Variants in HHLA2 observed in about 807,000 individuals in gnomAD.
The protein encoded by HHLA2 is HERV-H LTR-associating protein 2.
Under a neutral mutation model 45.9 loss-of-function variants are expected in HHLA2, and 48 were observed. The ratio of observed to expected loss-of-function variants is 1.05; its 90% confidence interval spans 0.83 to 1.33. The LOEUF (loss-of-function observed/expected upper bound fraction) is 1.33. HHLA2 is among the 40% of genes most tolerant of loss of function. The pLI is 0.00. For synonymous variants in HHLA2, 161 were observed against 173.9 expected, an observed-to-expected ratio of 0.93 and a Z score of 0.59; for missense variants, 462 against 494.3, an observed-to-expected ratio of 0.93 and a Z score of 0.62.
At chr3:108,355,344 G>C (rs879227772) in exon 6 of HHLA2, 1 of 1,613,748 alleles carries the variant, frequency 6.2e-7, no homozygotes, top group Admixed American at 1.7e-5. Context: ...AAAATTCACT[G>C]CTGAAGCAAA....
chr3:108,341,616 A>T (rs1206331582), intron 3 of HHLA2, among the ~76,000 whole-genome samples: 1 of 152,224 alleles, frequency 6.6e-6, no homozygotes, highest in East Asian at 1.9e-4. Context: ...AACAAAAAAA[A>T]ACAGAGCCCA....
intron 3 of HHLA2, among the ~76,000 whole-genome samples, chr3:108,331,431 T>G (rs992498603): frequency 3.3e-5 from 5 of 152,208 alleles, no homozygotes; most frequent in African/African-American, 1.2e-4. Context: ...ATAATTTTAT[T>G]GCAGAACCAT....
At chr3:108,321,752 C>T (rs755093096) in intron 2 of HHLA2, among the ~76,000 whole-genome samples, 8 of 151,908 alleles carry the variant, frequency 5.3e-5, no homozygotes, top group Non-Finnish European at 8.8e-5. Flanking sequence ...CCTGTTTTCT[C>T]TTTTTCTCTA....
At chr3:108,361,206 C>T (rs969332412) in intron 7 of HHLA2, among the ~76,000 whole-genome samples, 5 of 152,194 alleles carry the variant, frequency 3.3e-5, no homozygotes, top group African/African-American at 4.8e-5. Context: ...TCCTTTTCTG[C>T]AGTTTGTTAC....
At chr3:108,369,862 C>T (rs1449087604) in intron 8 of HHLA2, among the ~76,000 whole-genome samples, 2 of 152,212 alleles carry the variant, frequency 1.3e-5, no homozygotes. Context: ...GGCCTGCCTG[C>T]CTCTGTAGAC....
At chr3:108,366,869 T>C (rs1002557950) in intron 8 of HHLA2, among the ~76,000 whole-genome samples, 1 of 152,178 alleles carries the variant, frequency 6.6e-6, no homozygotes, top group African/African-American at 2.4e-5. Flanking sequence ...CTTTTCTTCT[T>C]TATTAGTCTG....
chr3:108,313,262 G>A (rs1045547294), intron 2 of HHLA2, among the ~76,000 whole-genome samples: 1 of 152,188 alleles, frequency 6.6e-6, no homozygotes, highest in Non-Finnish European at 1.5e-5. Flanking sequence ...AGGCTGGTGT[G>A]GGTAGTCTTG....
At chr3:108,366,945 T>A (rs180726618) in intron 8 of HHLA2, among the ~76,000 whole-genome samples, 1 of 152,048 alleles carries the variant, frequency 6.6e-6, no homozygotes, top group African/African-American at 2.4e-5. Flanking sequence ...AGACACCTCA[T>A]ACAGGAGATC....
exon 7 of HHLA2, chr3:108,357,989 C>T (rs2081926523): frequency 6.2e-7 from 1 of 1,613,790 alleles, no homozygotes; most frequent in African/African-American, 1.3e-5. Flanking sequence ...ATCTGAGCTC[C>T]TCACAAAATA....
In HHLA2 at chr3:108,357,005, A is replaced by G. The variant is rs182174819; in HGVS notation, c.686-839A>G. Among the ~76,000 whole-genome samples the G allele has an allele frequency of 2.6e-5, 4 of 152,368 alleles. No homozygotes were observed. The East Asian group carries it at 7.7e-4, about 29-fold the overall frequency. On this transcript the variant is annotated intron_variant, in intron 6 of 10. Transcript: ENST00000619531. ...CTGGATTTGTGGAATCAATGGATCA[A>G]GAGATGAACCTGGAGAGGGAGGCCA...
At chr3:108,357,369 T>C (rs548354770) in intron 6 of HHLA2, among the ~76,000 whole-genome samples, 4 of 152,268 alleles carry the variant, frequency 2.6e-5, no homozygotes, top group Non-Finnish European at 4.4e-5. Flanking sequence ...GGAAATATTC[T>C]TATATGAAGA....
chr3:108,367,676 G>T (rs548644041), intron 8 of HHLA2, among the ~76,000 whole-genome samples: 5 of 152,126 alleles, frequency 3.3e-5, no homozygotes, highest in African/African-American at 1.2e-4. Flanking sequence ...GAAAAGGAAT[G>T]AACAAAGCCT....
At chr3:108,336,419 C>T (rs1354697930) in intron 3 of HHLA2, among the ~76,000 whole-genome samples, 3 of 152,142 alleles carry the variant, frequency 2.0e-5, no homozygotes, top group Admixed American at 1.3e-4. Context: ...ACTAATTAAC[C>T]TATTCCCAAA....
At chr3:108,296,791 T>C (rs934142611) in intron 1 of HHLA2, among the ~76,000 whole-genome samples, 192 bp downstream of exon 1, 1 of 152,250 alleles carries the variant, frequency 6.6e-6, no homozygotes, top group African/African-American at 2.4e-5. Flanking sequence ...TAAAAGGTTG[T>C]CTTGAAGGAA....
intron 8 of HHLA2, among the ~76,000 whole-genome samples, chr3:108,370,741 C>A (rs963658963): frequency 1.1e-4 from 17 of 152,032 alleles, no homozygotes; most frequent in African/African-American, 3.4e-4. Flanking sequence ...TGGAAGATGA[C>A]ATGAATGAAA....
intron 2 of HHLA2, among the ~76,000 whole-genome samples, chr3:108,316,627 A>G (rs1195787989): frequency 6.6e-6 from 1 of 152,200 alleles, no homozygotes; most frequent in Non-Finnish European, 1.5e-5. Flanking sequence ...AAAGGGAGAC[A>G]GTTACAGCTA....
chr3:108,300,284 G>A (rs950464823), intron 1 of HHLA2, among the ~76,000 whole-genome samples: 2 of 152,054 alleles, frequency 1.3e-5, no homozygotes, highest in African/African-American at 4.8e-5. Context: ...GGCAGGGTGG[G>A]AAGAAACAGC....
intron 1 of HHLA2, among the ~76,000 whole-genome samples, chr3:108,306,922 C>T (rs910845350): frequency 4.6e-5 from 7 of 152,128 alleles, no homozygotes; most frequent in Admixed American, 4.6e-4. Flanking sequence ...ATGGCACGAT[C>T]TCGGCTCACT....
chr3:108,350,386 G>A (rs1417786631), intron 3 of HHLA2, among the ~76,000 whole-genome samples: 3 of 152,036 alleles, frequency 2.0e-5, no homozygotes, highest in African/African-American at 7.2e-5. Context: ...TCTTCCTAAG[G>A]TCGTGTTTTC....
Sources: allele counts gnomAD v4.1 joint callset (sites outside exome capture counted in the v4.1 genomes callset), GRCh38; gene constraint gnomAD v4.1.1; transcripts MANE v1.5; gene names NCBI Gene and HGNC (gene_info 2026-07-23, HGNC 2026-07-21).